The following RBM28 variants were observed in gnomAD, a reference collection of about 807,000 sequenced individuals.
The protein encoded by RBM28 is RNA-binding protein 28.
Under a neutral mutation model 98.3 loss-of-function variants are expected in RBM28, and 78 were observed. The observed-to-expected ratio is 0.79, with a 90% confidence interval of 0.66 to 0.96. The LOEUF (loss-of-function observed/expected upper bound fraction) is 0.96, where lower values mean the gene tolerates loss of function less well. Among genes scored for constraint, RBM28 ranks in the 40% least tolerant of loss-of-function variants. The probability of loss-of-function intolerance (pLI) is 0.00; values close to 1 mark genes in which losing one functional copy is unlikely to be tolerated. For missense variants in RBM28, 838 were observed against 913.0 expected, an observed-to-expected ratio of 0.92 and a Z score of 1.06; for synonymous variants, 306 against 330.9, an observed-to-expected ratio of 0.92 and a Z score of 0.82.
intron 17 of RBM28, 54 bp downstream of exon 17, chr7:128,314,710 A>C (rs1232146877): frequency 6.2e-7 from 1 of 1,613,370 alleles, no homozygotes. Flanking sequence ...CAGCAAAAAC[A>C]AACCCGCTTA....
intron 10 of RBM28, among the ~76,000 whole-genome samples, chr7:128,330,371 C>CTTTTTT (rs72352301): frequency 3.6e-5 from 3 of 83,452 alleles, no homozygotes; most frequent in Non-Finnish European, 6.6e-5. Flanking sequence ...GTCCCTGGTC[C>CTTTTTT]TTTTTTTTTT....
rs1796779647 is a variant in RBM28 at position 128,343,698 on chromosome 7, C to T, written c.96G>A (p.Gln32=). The change falls in exon 1 of 19, where the codon CAG becomes CAA. Residue 32 remains glutamine (Q), a synonymous_variant. Transcript: ENST00000223073. ...ELFSQVGPVK[Q]CFVVTEKGSK... ...TACCTTTTTCAGTCACCACGAAGCA[C>T]TGCTTCACCGGCCCCACCTGACTGA... The T allele has an allele frequency of 5.0e-6, 8 of 1,611,658 alleles. No homozygotes were observed. Among genetic ancestry groups the T allele is most frequent in the African/African-American group, 1.3e-5 (1 of 74,906 alleles).
chr7:128,313,974 TTTTTTTGAGACGGAGTCTCGCTC>T (rs1796047278), intron 17 of RBM28, among the ~76,000 whole-genome samples: 2 of 152,090 alleles, frequency 1.3e-5, no homozygotes, highest in Admixed American at 1.3e-4. Context: ...TTTTCTTTTT[TTTTTTTGAGACGGAGTCTCGCTC>T]TTTCGCCCAG....
chr7:128,298,451 T>C lies in RBM28; in HGVS notation c.*12346A>G, dbSNP rs1395997083. The C allele has an allele frequency of 6.6e-6, 1 of 152,130 alleles. No homozygotes were observed. The highest frequency in any genetic ancestry group is 1.5e-5 in the Non-Finnish European group (1 of 68,032). The allele number at this position is 152,130 out of a possible 1,614,324, so 9.4% of individuals were successfully genotyped here. A position where few individuals can be genotyped will look rare whatever the true frequency, so the allele number is the denominator to read the frequency against. The stretch of plus-strand genomic sequence containing the variant: ...TCAGTCGGCCGACACTTATGGAAAA[T>C]AGAAAGAACCTATGTTGAAATATTG... On this transcript the variant is annotated 3_prime_UTR_variant, in exon 19 of 19. Transcript: ENST00000223073.
chr7:128,343,690 A>C lies in RBM28; in HGVS notation c.104T>G (p.Val35Gly), dbSNP rs1297144201. 6.2e-7 allele frequency: 1 copy of C among 1,610,496 alleles called. No individual in the cohort carries two copies. The highest frequency in any genetic ancestry group is 1.1e-5 in the South Asian group (1 of 90,582). ...SQVGPVKQCF[V>G]VTEKGSKACR... is the part of the protein sequence containing the mutation. ...CCCGCCCCTACCTTTTTCAGTCACC[A>C]CGAAGCACTGCTTCACCGGCCCCAC... Residue 35 changes from valine to glycine, a missense_variant, in exon 1 of 19, where the codon GTG becomes GGG. Val to Gly is a moderately radical substitution (Grantham distance 109). Transcript: ENST00000223073.
intron 14 of RBM28, among the ~76,000 whole-genome samples, chr7:128,320,194 C>T (rs1403844939): frequency 5.6e-5 from 7 of 126,056 alleles, no homozygotes; most frequent in East Asian, 2.3e-4. Flanking sequence ...TCCAGCTTAA[C>T]GACAGAGTGA....
At chr7:128,312,193 C>T (rs1181991811) in intron 18 of RBM28, among the ~76,000 whole-genome samples, 3 of 152,106 alleles carry the variant, frequency 2.0e-5, no homozygotes, top group Admixed American at 6.5e-5. Flanking sequence ...CCGAGGCAGG[C>T]GAATCACCTG....
At position 128,323,526 on chromosome 7, in the gene RBM28, C is replaced by T. The variant is rs768136409; in HGVS notation, c.1404+1G>A. 1.9e-6 allele frequency: 3 copies of T among 1,614,226 alleles called. No homozygotes were observed. The South Asian group carries it at 3.3e-5, about 18-fold the overall frequency. On this transcript the variant is annotated splice_donor_variant, in intron 13 of 18. Coordinates refer to ENST00000223073, the MANE Select transcript of RBM28 (RefSeq NM_018077.3). LOFTEE classifies it high-confidence loss of function. Reference sequence around the variant, plus strand: ...TGAAGGTCAATGCCTAATCTACTCACCCGTTCTCTTTTGGCCATATCAGCA... The same window carrying T: ...TGAAGGTCAATGCCTAATCTACTCATCCGTTCTCTTTTGGCCATATCAGCA...
Position 128,310,844 on chromosome 7 carries a change from A to T in RBM28, c.2233T>A (p.Ser745Thr), listed in dbSNP as rs1319489812. 1.2e-6 allele frequency: 2 copies of T among 1,614,076 alleles called. No individual in the cohort carries two copies. The highest frequency in any genetic ancestry group is 2.7e-5 in the African/African-American group (2 of 74,944). ...CTCTTTGCAAGAGGTGCTCCTTTAG[A>T]AGGTCCCAATAATTTCTGCTTATAT... ...EQYKQKLLGP[S>T]KGAPLAKRSK... Residue 745 changes from serine (S) to threonine (T), a missense_variant, in exon 19 of 19, where the codon TCT becomes ACT. Physicochemically the swap from Ser to Thr is moderately conservative, Grantham distance 58. Coordinates refer to ENST00000223073, the MANE Select transcript of RBM28 (RefSeq NM_018077.3).
chr7:128,338,139 A>C lies in RBM28; in HGVS notation c.541+111T>G, dbSNP rs541692916. ...CTAAATAGCTACCGTATTAGCAATG[A>C]GACTCTTAATAATGCAAACATCTTT... On this transcript the variant is annotated intron_variant, in intron 5 of 18. Transcript: ENST00000223073. 93 of 796,788 alleles carry C rather than the reference A, an allele frequency of 1.2e-4. 1 individual carries two copies. The highest frequency in any genetic ancestry group is 1.9e-4 in the Non-Finnish European group (89 of 459,028). 49.4% of individuals were successfully genotyped at this position (796,788 alleles called of 1,614,324 possible). A position where few individuals can be genotyped will look rare whatever the true frequency, so the allele number is the denominator to read the frequency against.
intron 18 of RBM28, among the ~76,000 whole-genome samples, chr7:128,312,482 G>A (rs1045647781): frequency 6.6e-6 from 1 of 152,142 alleles, no homozygotes; most frequent in East Asian, 1.9e-4. Flanking sequence ...ATATGGGGGT[G>A]TCACAGAGAC....
At chr7:128,315,071 T>C (rs1315267986) in intron 16 of RBM28, 51 bp from the exon 17 acceptor site, 2 of 1,610,812 alleles carry the variant, frequency 1.2e-6, no homozygotes, top group East Asian at 2.2e-5. Flanking sequence ...CTTTGTTTGC[T>C]GCAAATACTC....
At chr7:128,317,206 G>A (rs1259776020) in intron 16 of RBM28, among the ~76,000 whole-genome samples, 1 of 152,316 alleles carries the variant, frequency 6.6e-6, no homozygotes, top group South Asian at 2.1e-4. Flanking sequence ...GCCAGAGTAT[G>A]AGCATGAGTA....
chr7:128,339,544 A>T, intron 2 of RBM28, 89 bp downstream of exon 2: 1 of 1,475,864 alleles, frequency 6.8e-7, no homozygotes, highest in South Asian at 1.1e-5. Context: ...TTTAAGTTCT[A>T]GAAGCTACCT....
At chr7:128,312,834 G>A (rs1796016072) in intron 18 of RBM28, among the ~76,000 whole-genome samples, 1 of 152,140 alleles carries the variant, frequency 6.6e-6, no homozygotes, top group African/African-American at 2.4e-5. Flanking sequence ...ATCAGTTAGA[G>A]ATGCACTCTG....
chr7:128,304,446 T>C lies in RBM28; in HGVS notation c.*6351A>G, dbSNP rs1795824407. On this transcript the variant is annotated 3_prime_UTR_variant, in exon 19 of 19. Coordinates refer to ENST00000223073, the MANE Select transcript of RBM28 (RefSeq NM_018077.3). Reference sequence around the variant, plus strand: ...CCTTCTGACAGAAAATGCCAGAAAGTTTCCACCCCATTGACAGGCTTGGAG... The same window carrying C: ...CCTTCTGACAGAAAATGCCAGAAAGCTTCCACCCCATTGACAGGCTTGGAG... 1 of 152,226 alleles carries C rather than the reference T, an allele frequency of 6.6e-6. No homozygotes were observed. The highest frequency in any genetic ancestry group is 1.5e-5 in the Non-Finnish European group (1 of 68,066). The allele number at this position is 152,226 out of a possible 1,614,324, so 9.4% of individuals were successfully genotyped here. A position where few individuals can be genotyped will look rare whatever the true frequency, so the allele number is the denominator to read the frequency against.
Position 128,299,200 on chromosome 7 carries a change from C to T in RBM28, c.*11597G>A, listed in dbSNP as rs1679438014. On this transcript the variant is annotated 3_prime_UTR_variant, in exon 19 of 19. Transcript: ENST00000223073. Reference sequence around the variant, plus strand: ...AGAAGCAGAGGGGGTGAGGGAAAAGCACGATCCAGCGCCTTTAATGTAGTT... The same window carrying T: ...AGAAGCAGAGGGGGTGAGGGAAAAGTACGATCCAGCGCCTTTAATGTAGTT... 1 of 152,212 alleles carries T rather than the reference C, an allele frequency of 6.6e-6. No homozygotes were observed. Among genetic ancestry groups the T allele is most frequent in the African/African-American group, 2.4e-5 (1 of 41,404 alleles). 9.4% of individuals were successfully genotyped at this position (152,212 alleles called of 1,614,324 possible).
In RBM28 at chr7:128,306,813, C is replaced by T. The variant is rs966912054; in HGVS notation, c.*3984G>A. ...GTATATTCCTTTACCAGCACAAAAA[C>T]TCATGTACAGCCAATGACCAGTTCA... On this transcript the variant is annotated 3_prime_UTR_variant, in exon 19 of 19. Transcript: ENST00000223073. The T allele has an allele frequency of 6.6e-6, 1 of 152,460 alleles. No homozygotes were observed. The highest frequency in any genetic ancestry group is 1.9e-4 in the East Asian group (1 of 5,192). The allele number at this position is 152,460 out of a possible 1,614,324, so 9.4% of individuals were successfully genotyped here. A position where few individuals can be genotyped will look rare whatever the true frequency, so the allele number is the denominator to read the frequency against.
intron 17 of RBM28, 147 bp from the exon 18 acceptor site, chr7:128,313,421 C>T: frequency 1.2e-6 from 1 of 809,710 alleles, no homozygotes; most frequent in Non-Finnish European, 2.1e-6. Flanking sequence ...GAAAGCTCAA[C>T]ATTTGTATAC....
Sources: gnomAD v4.1 joint callset for allele counts (sites outside exome capture counted in the v4.1 genomes callset) on GRCh38, gnomAD v4.1.1 for gene constraint, MANE v1.5 for transcripts, NCBI Gene and HGNC (gene_info 2026-07-23, HGNC 2026-07-21) for gene names.